TEF: variants seen among roughly 807,000 people sequenced by gnomAD.
The protein encoded by TEF is thyrotroph embryonic factor.
A neutral mutation model predicts 20.8 loss-of-function variants in TEF; 3 were observed. The ratio of observed to expected loss-of-function variants is 0.14; its 90% CI spans 0.07 to 0.37. The LOEUF is 0.37. TEF is among the 10% of genes least tolerant of loss of function. TEF has a pLI of 1.00. For missense variants in TEF, 296 were observed against 397.9 expected, an observed-to-expected ratio of 0.74 and a Z score of 2.18; for synonymous variants, 180 against 171.1, an observed-to-expected ratio of 1.05 and a Z score of -0.41.
At chr22:41,388,249 C>T (rs1279752322) in intron 2 of TEF, among the ~76,000 whole-genome samples, 1 of 152,036 alleles carries the variant, frequency 6.6e-6, no homozygotes, top group Non-Finnish European at 1.5e-5. Context: ...CTGCCCGCCT[C>T]AGCCTCCCAA....
intron 1 of TEF, among the ~76,000 whole-genome samples, chr22:41,385,617 C>A (rs1483483384): frequency 6.6e-6 from 1 of 152,170 alleles, no homozygotes; most frequent in Non-Finnish European, 1.5e-5. Flanking sequence ...CAGGAAAGGT[C>A]AGAGACTCCA....
At chr22:41,393,901 A>T (rs777923432) in intron 2 of TEF, among the ~76,000 whole-genome samples, 195 bp from the exon 3 acceptor site, 1 of 152,174 alleles carries the variant, frequency 6.6e-6, no homozygotes, top group African/African-American at 2.4e-5. Flanking sequence ...GAAGGAAAGA[A>T]TTCTTTGAAT....
At chr22:41,389,915 T>C (rs2145986785) in intron 2 of TEF, among the ~76,000 whole-genome samples, 1 of 152,258 alleles carries the variant, frequency 6.6e-6, no homozygotes, top group South Asian at 2.1e-4. Flanking sequence ...TTTTTTTTTT[T>C]TGAGACGGAG....
intron 1 of TEF, among the ~76,000 whole-genome samples, chr22:41,383,722 C>T (rs1226578945): frequency 6.6e-6 from 1 of 152,214 alleles, no homozygotes; most frequent in Non-Finnish European, 1.5e-5. Context: ...CTTACAAAAA[C>T]ACTGATTTAA....
Position 41,387,648 on chromosome 22 carries a change from C to G in TEF, c.455C>G (p.Ser152Cys), listed in dbSNP as rs1313458986. The part of the protein sequence containing the change: ...PSSSTAIFQP[S>C]ETVSSTESSL... ...TCCTCCACTGCCATCTTTCAGCCCT[C>G]TGAAACCGTGTCCAGCACAGGTTGG... The change falls in exon 2 of 4, where the codon TCT becomes TGT. Residue 152 changes from serine to cysteine, a missense_variant. Ser to Cys is a moderately radical substitution (Grantham distance 112). This residue lies in a region of TEF where 194 missense variants were observed against 317.8 expected (regional missense o/e 0.61). Coordinates refer to ENST00000266304, the MANE Select transcript of TEF (RefSeq NM_003216.4). 1 of 1,613,838 alleles carries G rather than the reference C, an allele frequency of 6.2e-7. No homozygotes were observed. The highest frequency in any genetic ancestry group is 2.2e-5 in the East Asian group (1 of 44,880).
intron 2 of TEF, among the ~76,000 whole-genome samples, chr22:41,391,052 C>G (rs902381433): frequency 2.6e-5 from 4 of 152,036 alleles, no homozygotes; most frequent in Non-Finnish European, 5.9e-5. Context: ...TTTGGCATGC[C>G]CGAAACTGCC....
Position 41,394,976 on chromosome 22 carries a change from G to A in TEF, c.696+660G>A, listed in dbSNP as rs1170880532. On this transcript the variant is annotated intron_variant, in intron 3 of 3. Coordinates refer to ENST00000266304, the MANE Select transcript of TEF (RefSeq NM_003216.4). ...GAATATTTAGATGGTACTCACTGTA[G>A]GCCAGGCACTGATTTTTGTTTTGTT... is the stretch of plus-strand genomic sequence containing the variant. Among the ~76,000 whole-genome samples the A allele has an allele frequency of 2.0e-5, 3 of 152,116 alleles. No individual in the cohort carries two copies. The East Asian group carries it at 5.8e-4, about 29-fold the overall frequency.
In TEF at chr22:41,382,209, C is replaced by G; in HGVS notation, c.157+8C>G. On this transcript the variant is annotated splice_region_variant and intron_variant, in intron 1 of 3. Coordinates refer to ENST00000266304, the MANE Select transcript of TEF (RefSeq NM_003216.4). ...CGCGCGAGGCGCGCCTCGGTGAGGG[C>G]GGGGGGGTGGTCCGCGCGGGCTGGG... 2.4e-6 allele frequency: 2 copies of G among 833,018 alleles called. No individual in the cohort carries two copies. The highest frequency in any genetic ancestry group is 2.8e-6 in the Non-Finnish European group (2 of 723,388). 51.6% of individuals were successfully genotyped at this position (833,018 alleles called of 1,614,324 possible). A position where few individuals can be genotyped will look rare whatever the true frequency, so the allele number is the denominator to read the frequency against.
Position 41,387,646 on chromosome 22 carries a change from C to T in TEF, c.453C>T (p.Pro151=), listed in dbSNP as rs762687004. 2.1e-5 allele frequency: 34 copies of T among 1,613,770 alleles called. No homozygotes were observed. The South Asian group carries it at 3.6e-4, about 17-fold the overall frequency. The part of the protein sequence containing the change: ...PPSSSTAIFQ[P]SETVSSTESS... ...CCTCCTCCACTGCCATCTTTCAGCCCTCTGAAACCGTGTCCAGCACAGGTT... is the reference window on the plus strand; with the variant it reads ...CCTCCTCCACTGCCATCTTTCAGCCTTCTGAAACCGTGTCCAGCACAGGTT... Residue 151 remains proline (P), a synonymous_variant, in exon 2 of 4, where the codon CCC becomes CCT. Transcript: ENST00000266304.
chr22:41,383,015 G>A (rs775129530), intron 1 of TEF: 5 of 471,078 alleles, frequency 1.1e-5, no homozygotes, highest in Admixed American at 2.4e-5. Flanking sequence ...CGCCCTGGGA[G>A]ATGGGGTGCA....
upstream of TEF, among the ~76,000 whole-genome samples, chr22:41,379,913 A>G (rs1296121741): frequency 5.6e-5 from 7 of 125,564 alleles, no homozygotes; most frequent in African/African-American, 2.2e-4. Flanking sequence ...AAAAAGAAAA[A>G]AAGAAAAGAA....
upstream of TEF, chr22:41,377,278 A>C (rs1271316162): frequency 1.3e-5 from 2 of 152,194 alleles, no homozygotes; most frequent in African/African-American, 4.8e-5. Flanking sequence ...CTGCTGAGGC[A>C]AGCACATCAG....
In TEF at chr22:41,396,978, TC is replaced by T. The variant is rs1183338898; in HGVS notation, c.*1021del. The T allele has an allele frequency of 5.0e-6, 2 of 398,566 alleles. No individual in the cohort carries two copies. Among genetic ancestry groups the T allele is most frequent in the African/African-American group, 4.1e-5 (2 of 48,628 alleles). The allele number at this position is 398,566 out of a possible 1,614,324, so 24.7% of individuals were successfully genotyped here. A position where few individuals can be genotyped will look rare whatever the true frequency, so the allele number is the denominator to read the frequency against. On this transcript the variant is annotated 3_prime_UTR_variant, in exon 4 of 4. Coordinates refer to ENST00000266304, the MANE Select transcript of TEF (RefSeq NM_003216.4). The stretch of plus-strand genomic sequence containing the variant: ...AGCTGGGGTGTGTTTCTTGAGAAGC[TC>T]CCTTTTTTCTTGCTCTGCTCACCGG...
At chr22:41,389,649 T>C (rs893812587) in intron 2 of TEF, among the ~76,000 whole-genome samples, 1 of 151,846 alleles carries the variant, frequency 6.6e-6, no homozygotes, top group South Asian at 2.1e-4. Context: ...TTTTTTTTTT[T>C]CTGTAGAGTC....
intron 1 of TEF, among the ~76,000 whole-genome samples, chr22:41,376,545 T>C (rs1296423867): frequency 2.6e-5 from 4 of 152,206 alleles, no homozygotes; most frequent in South Asian, 4.1e-4. Flanking sequence ...AGTTTTTAAC[T>C]TGGGCTAGTT....
At chr22:41,379,730 C>T (rs2036990324), upstream of TEF, among the ~76,000 whole-genome samples, 2 of 151,234 alleles carry the variant, frequency 1.3e-5, no homozygotes, top group African/African-American at 4.9e-5. Context: ...CCCGTCTCTA[C>T]TAAAAATACA....
upstream of TEF, among the ~76,000 whole-genome samples, chr22:41,381,197 A>T (rs2037013423): frequency 6.6e-6 from 1 of 152,160 alleles, no homozygotes; most frequent in Admixed American, 6.5e-5. Flanking sequence ...CCCTGCCCTC[A>T]GGCGACCTCT....
At chr22:41,378,420 AC>A (rs1464070423), upstream of TEF, among the ~76,000 whole-genome samples, 2 of 141,032 alleles carry the variant, frequency 1.4e-5, no homozygotes, top group Admixed American at 1.6e-4. Flanking sequence ...ATCTCGGCTC[AC>A]TGCAAGCTCC....
chr22:41,369,314 G>A (rs2145957377), intron 1 of TEF: 1 of 935,296 alleles, frequency 1.1e-6, no homozygotes, highest in Non-Finnish European at 1.3e-6. Context: ...GACCGCCCAA[G>A]GTTTCAGGCA....
Sources: gnomAD v4.1 joint callset for allele counts (sites outside exome capture counted in the v4.1 genomes callset) on GRCh38, gnomAD v4.1.1 for gene constraint, gnomAD v4.1.1 regional missense constraint, MANE v1.5 for transcripts, NCBI Gene and HGNC (gene_info 2026-07-23, HGNC 2026-07-21) for gene names.